CDC42BPB: variants seen among roughly 807,000 people sequenced by gnomAD.
CDC42BPB encodes the protein serine/threonine-protein kinase MRCK beta.
CDC42BPB carries 37 observed loss-of-function variants against 214.9 expected under a neutral mutation model. The ratio of observed to expected loss-of-function variants is 0.17; its 90% CI spans 0.13 to 0.23. The LOEUF (loss-of-function observed/expected upper bound fraction) is 0.23. Among genes scored for constraint, CDC42BPB ranks in the 10% least tolerant of loss-of-function variants. The pLI, the probability that CDC42BPB is intolerant of heterozygous loss-of-function variation, is 1.00. For missense variants in CDC42BPB, 1,694 were observed against 2,227.0 expected (o/e 0.76, Z 4.82); for synonymous variants, 931 against 884.0 (o/e 1.05, Z -0.94).
intron 6 of CDC42BPB, among the ~76,000 whole-genome samples, chr14:102,984,394 A>G (rs973843725): frequency 4.6e-5 from 7 of 152,098 alleles, no homozygotes; most frequent in African/African-American, 1.7e-4. Flanking sequence ...AAGGCTGCTC[A>G]CCTGCAGCCG....
intron 24 of CDC42BPB, 39 bp downstream of exon 24, chr14:102,952,459 G>T: frequency 7.6e-7 from 1 of 1,319,140 alleles, no homozygotes; most frequent in Non-Finnish European, 1.1e-6. Context: ...GGGGTGTGGG[G>T]CTGTGCACGC....
At chr14:102,965,084 C>A (rs1893137843) in intron 18 of CDC42BPB, among the ~76,000 whole-genome samples, 1 of 152,126 alleles carries the variant, frequency 6.6e-6, no homozygotes, top group Non-Finnish European at 1.5e-5. Context: ...AGGTGCCGCA[C>A]CACCATGCCT....
intron 1 of CDC42BPB, among the ~76,000 whole-genome samples, chr14:103,014,351 T>G (rs577266259): frequency 1.4e-4 from 21 of 152,288 alleles, no homozygotes; most frequent in Admixed American, 2.6e-4. Context: ...CTGTCTCTAT[T>G]TTCACCTTCA....
chr14:102,987,940 C>A (rs1445084138), intron 5 of CDC42BPB, among the ~76,000 whole-genome samples: 1 of 151,836 alleles, frequency 6.6e-6, no homozygotes, highest in African/African-American at 2.4e-5. Flanking sequence ...CGCCACTGCA[C>A]TCCAGCCTGG....
intron 1 of CDC42BPB, among the ~76,000 whole-genome samples, chr14:103,046,358 C>T (rs1447338764): frequency 6.6e-6 from 1 of 152,130 alleles, no homozygotes; most frequent in Non-Finnish European, 1.5e-5. Context: ...TGAGACTCAA[C>T]ACTTAAAGTC....
Position 102,976,295 on chromosome 14 carries a change from C to G in CDC42BPB, c.1221-246G>C, listed in dbSNP as rs1383971265. On this transcript the variant is annotated intron_variant, in intron 9 of 36. Transcript: ENST00000361246. ...CTGCAAAGGAGGGGAAATGGCATTT[C>G]TAAATCATCCCCCACACTTAACTAT... 4.2e-6 allele frequency: 3 copies of G among 712,010 alleles called. No homozygotes were observed. The Admixed American group carries it at 1.9e-4, about 45-fold the overall frequency. The allele number at this position is 712,010 out of a possible 1,614,324, so 44.1% of individuals were successfully genotyped here.
At chr14:103,000,675 G>A (rs929508510) in intron 4 of CDC42BPB, among the ~76,000 whole-genome samples, 3 of 152,266 alleles carry the variant, frequency 2.0e-5, no homozygotes, top group African/African-American at 7.2e-5. Context: ...CGCACAGGGA[G>A]TAAACGCCCT....
Position 102,933,233 on chromosome 14 carries a change from CT to C in CDC42BPB, c.*478del, listed in dbSNP as rs1409475232. On this transcript the variant is annotated 3_prime_UTR_variant, in exon 37 of 37. Coordinates refer to ENST00000361246, the MANE Select transcript of CDC42BPB (RefSeq NM_006035.4). Reference sequence around the variant, plus strand: ...AAAAAAGGCCACAGACTAACCTCCACTTTCCTGTCTTCAAAATTCTAGTGAC... The same window carrying C: ...AAAAAAGGCCACAGACTAACCTCCACTTCCTGTCTTCAAAATTCTAGTGAC... The C allele has an allele frequency of 6.5e-6, 1 of 153,488 alleles. No individual in the cohort carries two copies. The highest frequency in any genetic ancestry group is 1.5e-5 in the Non-Finnish European group (1 of 68,874). The allele number at this position is 153,488 out of a possible 1,614,324, so 9.5% of individuals were successfully genotyped here.
At chr14:102,994,573 C>T (rs1336202598) in intron 5 of CDC42BPB, among the ~76,000 whole-genome samples, 1 of 152,202 alleles carries the variant, frequency 6.6e-6, no homozygotes, top group Non-Finnish European at 1.5e-5. Flanking sequence ...CCTCTAATGG[C>T]ACAGCGGGGA....
chr14:102,979,216 GTTT>G (rs749681734), intron 8 of CDC42BPB, among the ~76,000 whole-genome samples: 1 of 138,338 alleles, frequency 7.2e-6, no homozygotes, highest in Non-Finnish European at 1.6e-5. Flanking sequence ...AACTTTTCTT[GTTT>G]TTTTTTTTTT....
Position 103,004,349 on chromosome 14 carries a change from A to C in CDC42BPB, c.352-326T>G, listed in dbSNP as rs1895136467. The C allele has an allele frequency of 1.1e-5, 3 of 273,874 alleles. No homozygotes were observed. Among genetic ancestry groups the C allele is most frequent in the East Asian group, 1.1e-4 (1 of 9,412 alleles). The allele number at this position is 273,874 out of a possible 1,614,324, so 17.0% of individuals were successfully genotyped here. A position where few individuals can be genotyped will look rare whatever the true frequency, so the allele number is the denominator to read the frequency against. ...GGCTCCTCCCACCTGGCACCTCCTG[A>C]CTCCTCTACCAGATCAACCTCTGCC... On this transcript the variant is annotated intron_variant, in intron 3 of 36. Coordinates refer to ENST00000361246, the MANE Select transcript of CDC42BPB (RefSeq NM_006035.4). The surrounding 1 kb of genome is among the most constrained non-coding windows in gnomAD (Gnocchi z 5.3).
rs112025674 is a variant in CDC42BPB at position 102,975,700 on chromosome 14, C to T, written c.1491G>A (p.Leu497=). Residue 497 remains leucine, a synonymous_variant, in exon 11 of 37, where the codon TTG becomes TTA. Coordinates refer to ENST00000361246, the MANE Select transcript of CDC42BPB (RefSeq NM_006035.4). ...AACACATACCTGCTATTTTATTCTT[C>T]AAGCGTTCGATTTCTTCATTTAGCT... The part of the protein sequence containing the change: ...IKKLNEEIER[L]KNKIADSNRL... 6.2e-7 allele frequency: 1 copy of T among 1,614,132 alleles called. No homozygotes were observed. Among genetic ancestry groups the T allele is most frequent in the Non-Finnish European group, 8.5e-7 (1 of 1,179,976 alleles).
intron 1 of CDC42BPB, among the ~76,000 whole-genome samples, chr14:103,034,577 G>GCTGAGGCAGGTGGCTCACATCAC (rs1343626541): frequency 6.6e-6 from 1 of 152,184 alleles, no homozygotes; most frequent in Admixed American, 6.5e-5. Context: ...ACTTTGGGAG[G>GCTGAGGCAGGTGGCTCACATCAC]CTGAGGCAGG....
At chr14:103,024,138 C>A (rs546444899) in intron 1 of CDC42BPB, among the ~76,000 whole-genome samples, 2 of 152,334 alleles carry the variant, frequency 1.3e-5, no homozygotes, top group South Asian at 4.1e-4. Context: ...GGGCTGGGAC[C>A]GCCAGGACAG....
chr14:102,976,019 G>T lies in CDC42BPB; in HGVS notation c.1251C>A (p.Ser417Arg). Reference sequence around the variant, plus strand: ...TGGTTAATGTGTTGGACTGCATTATGCTCTTCAGAGAGCCTCGATCAGAAA... The same window carrying T: ...TGGTTAATGTGTTGGACTGCATTATTCTCTTCAGAGAGCCTCGATCAGAAA... ...SCFSDRGSLK[S>R]IMQSNTLTKD... Residue 417 changes from serine to arginine, a missense_variant, in exon 10 of 37, where the codon AGC becomes AGA. Ser to Arg is a moderately radical substitution (Grantham distance 110, BLOSUM62 -1). Around this residue, in one of 7 missense-constraint regions of CDC42BPB, gnomAD observed 462 missense variants for 513.5 expected, o/e 0.90. Transcript: ENST00000361246. 1 of 1,614,202 alleles carries T rather than the reference G, an allele frequency of 6.2e-7. No individual in the cohort carries two copies. Among genetic ancestry groups the T allele is most frequent in the Non-Finnish European group, 8.5e-7 (1 of 1,180,018 alleles).
chr14:103,048,271 C>A (rs999045905), intron 1 of CDC42BPB, among the ~76,000 whole-genome samples: 1 of 151,930 alleles, frequency 6.6e-6, no homozygotes, highest in Non-Finnish European at 1.5e-5. Flanking sequence ...CGGCCGGGAG[C>A]GGTGGCTCAC....
rs1894897712 is a variant in CDC42BPB at position 102,999,802 on chromosome 14, CTCAGGCTCCAGG to C, written c.448-101_448-90del. On this transcript the variant is annotated intron_variant, in intron 4 of 36. Transcript: ENST00000361246. ...CAGGCCAGTCTTCCATGGCGAGGTT[CTCAGGCTCCAGG>C]TCTGGCTCGTGGCATCTCAGCTGCT... The C allele has an allele frequency of 1.9e-6, 3 of 1,550,126 alleles. No homozygotes were observed. The African/African-American group carries it at 4.1e-5, about 21-fold the overall frequency.
rs1231736947 is a variant in CDC42BPB, at chr14:102,968,533, G to C, written c.2179C>G (p.Leu727Val). The C allele has an allele frequency of 6.2e-7, 1 of 1,614,062 alleles. No homozygotes were observed. The highest frequency in any genetic ancestry group is 8.5e-7 in the Non-Finnish European group (1 of 1,180,058). Residue 727 changes from leucine (L) to valine (V), a missense_variant, in exon 15 of 37, where the codon CTG (leucine) becomes GTG (valine). Coordinates refer to ENST00000361246, the MANE Select transcript of CDC42BPB (RefSeq NM_006035.4). ...ATCAAGATTTCTTTCTGCAGGGCCA[G>C]CTGGTGGCTTTCTGAATCATGCACC... ...KEVHDSESHQLALQKEILMLK... is the reference protein window; with the variant it reads ...KEVHDSESHQVALQKEILMLK...
At chr14:103,022,348 G>A (rs945083803) in intron 1 of CDC42BPB, among the ~76,000 whole-genome samples, 1 of 152,102 alleles carries the variant, frequency 6.6e-6, no homozygotes, top group East Asian at 1.9e-4. Flanking sequence ...ACAGAAGAGA[G>A]AACCCTGAAG....
Sources: gnomAD v4.1 joint callset for allele counts (sites outside exome capture counted in the v4.1 genomes callset) on GRCh38, gnomAD v4.1.1 for gene constraint, gnomAD v4.1.1 regional missense constraint, Gnocchi (gnomAD v3.1) non-coding constraint, MANE v1.5 for transcripts, NCBI Gene and HGNC (gene_info 2026-07-23, HGNC 2026-07-21) for gene names.